The following DLGAP2 variants were observed in gnomAD, a reference collection of about 807,000 sequenced individuals.
DLGAP2 encodes the protein disks large-associated protein 2.
DLGAP2 carries 26 observed loss-of-function variants against 100.3 expected under a neutral mutation model. That is an observed-to-expected ratio of 0.26 (90% CI 0.19 to 0.36). The LOEUF (loss-of-function observed/expected upper bound fraction) is 0.36, where lower values mean the gene tolerates loss of function less well. Among genes scored for constraint, DLGAP2 ranks in the 10% least tolerant of loss-of-function variants. The pLI, the probability that DLGAP2 is intolerant of heterozygous loss-of-function variation, is 1.00. For missense variants in DLGAP2, 1,858 were observed against 1,453.2 expected, an observed-to-expected ratio of 1.28 and a Z score of -4.53; for synonymous variants, 886 against 630.1, an observed-to-expected ratio of 1.41 and a Z score of -6.08.
At chr8:1,451,181 G>C (rs1305621478) in intron 3 of DLGAP2, among the ~76,000 whole-genome samples, 2 of 152,146 alleles carry the variant, frequency 1.3e-5, no homozygotes, top group Admixed American at 6.5e-5. Flanking sequence ...GCTGCTGCAT[G>C]CAGGCCATAT....
chr8:1,528,356 G>T (rs1026682649), intron 4 of DLGAP2, among the ~76,000 whole-genome samples: 1 of 152,228 alleles, frequency 6.6e-6, no homozygotes, highest in Admixed American at 6.5e-5. Flanking sequence ...ACAGGGCATT[G>T]TTCCCACCCC....
chr8:1,543,182 A>G (rs2130496634), intron 4 of DLGAP2, among the ~76,000 whole-genome samples: 1 of 152,362 alleles, frequency 6.6e-6, no homozygotes, highest in South Asian at 2.1e-4. Flanking sequence ...GGCATCTTTT[A>G]AAGCATAAAA....
At chr8:1,178,588 T>C (rs1484849522) in intron 2 of DLGAP2, among the ~76,000 whole-genome samples, 1 of 152,230 alleles carries the variant, frequency 6.6e-6, no homozygotes, top group Non-Finnish European at 1.5e-5. Flanking sequence ...ATCTCTCTTT[T>C]TTTTAGGTAA....
intron 6 of DLGAP2, among the ~76,000 whole-genome samples, chr8:1,592,249 G>A (rs367840719): frequency 2.0e-5 from 3 of 152,146 alleles, no homozygotes; most frequent in African/African-American, 4.8e-5. Flanking sequence ...CACAAAATAC[G>A]CCCCCATCGG....
chr8:1,010,902 C>T (rs760233869), intron 2 of DLGAP2, among the ~76,000 whole-genome samples: 136 of 149,068 alleles, frequency 9.1e-4, no homozygotes, highest in South Asian at 3.2e-3. Context: ...AGGGGCCCCT[C>T]AGTCTACACA....
chr8:777,919 C>T (rs1472929297), intron 1 of DLGAP2, among the ~76,000 whole-genome samples: 1 of 152,192 alleles, frequency 6.6e-6, no homozygotes, highest in Non-Finnish European at 1.5e-5. Flanking sequence ...TGGGGAAGTT[C>T]TCCTGAGTAA....
intron 1 of DLGAP2, among the ~76,000 whole-genome samples, chr8:834,316 G>A (rs1585912889): frequency 6.6e-6 from 1 of 152,140 alleles, no homozygotes; most frequent in African/African-American, 2.4e-5. Context: ...TAATTTGTGG[G>A]CTTTAACATG....
chr8:1,043,180 G>A (rs1201222075), intron 2 of DLGAP2, among the ~76,000 whole-genome samples: 1 of 138,802 alleles, frequency 7.2e-6, no homozygotes, highest in Admixed American at 7.2e-5. Context: ...GGTGGGTGTG[G>A]GTGGTGGGTG....
At chr8:1,257,497 G>A (rs1399625519) in intron 2 of DLGAP2, among the ~76,000 whole-genome samples, 1 of 132,238 alleles carries the variant, frequency 7.6e-6, no homozygotes, top group Non-Finnish European at 1.7e-5. Context: ...CACCTTGTCC[G>A]TGCCTTTCCT....
chr8:1,575,915 C>T (rs1418290471), intron 6 of DLGAP2, among the ~76,000 whole-genome samples: 2 of 152,058 alleles, frequency 1.3e-5, no homozygotes, highest in Non-Finnish European at 2.9e-5. Flanking sequence ...GTGAATAGTG[C>T]TGTAATAAAC....
At chr8:869,996 G>T (rs1282979428) in intron 1 of DLGAP2, among the ~76,000 whole-genome samples, 6 of 150,426 alleles carry the variant, frequency 4.0e-5, no homozygotes, top group Admixed American at 3.3e-4. Context: ...GAAAGATACC[G>T]TGCCTAATTT....
intron 2 of DLGAP2, among the ~76,000 whole-genome samples, chr8:1,063,156 A>C (rs1221176532): frequency 1.3e-5 from 2 of 152,188 alleles, no homozygotes; most frequent in Admixed American, 6.5e-5. Context: ...GAAAAGAGGG[A>C]AGATGTTTGA....
chr8:1,101,020 T>A (rs1175946409), intron 2 of DLGAP2, among the ~76,000 whole-genome samples: 4 of 152,212 alleles, frequency 2.6e-5, no homozygotes, highest in Non-Finnish European at 4.4e-5. Context: ...CCTATGCTGG[T>A]CCCACGTGGG....
chr8:1,175,997 G>A (rs981005636), intron 2 of DLGAP2, among the ~76,000 whole-genome samples: 7 of 152,156 alleles, frequency 4.6e-5, no homozygotes, highest in South Asian at 4.1e-4. Flanking sequence ...CATACCATCC[G>A]CCCGATAAAT....
At chr8:1,160,737 C>G (rs922120770) in intron 2 of DLGAP2, among the ~76,000 whole-genome samples, 2 of 152,234 alleles carry the variant, frequency 1.3e-5, no homozygotes, top group African/African-American at 4.8e-5. Flanking sequence ...AGTGTAAAGC[C>G]ACCCCGAGCC....
In DLGAP2 at chr8:1,408,560, C is replaced by T. The variant is rs78403455; in HGVS notation, c.107-92806C>T. Among the ~76,000 whole-genome samples the T allele has an allele frequency of 2.9e-3, 448 of 152,346 alleles. 9 individuals are homozygous for T. In the East Asian group the frequency reaches 0.047, roughly 16 times the overall value. ...ACTGGGACTCCAGCATTGTCAGGCA[C>T]AGACACACACGGTGTTAACTGTTCG... On this transcript the variant is annotated intron_variant, in intron 3 of 14. Transcript: ENST00000637795.
chr8:1,323,292 A>C (rs541030457), intron 3 of DLGAP2, among the ~76,000 whole-genome samples: 67 of 152,124 alleles, frequency 4.4e-4, no homozygotes, highest in Non-Finnish European at 8.5e-4. Flanking sequence ...AGCCTCCCAA[A>C]GTGCTAGGAT....
intron 3 of DLGAP2, among the ~76,000 whole-genome samples, chr8:1,352,284 G>A (rs1163948830): frequency 1.7e-5 from 2 of 114,794 alleles, no homozygotes; most frequent in Non-Finnish European, 3.8e-5. Flanking sequence ...AGGACGTGCG[G>A]GTCCTGAGCG....
At chr8:855,289 G>A (rs1797256261) in intron 1 of DLGAP2, among the ~76,000 whole-genome samples, 1 of 152,070 alleles carries the variant, frequency 6.6e-6, no homozygotes. Context: ...CTTTCAGCAT[G>A]AATGCCTCTG....
Sources: allele counts gnomAD v4.1 joint callset (sites outside exome capture counted in the v4.1 genomes callset), GRCh38; gene constraint gnomAD v4.1.1; transcripts MANE v1.5; gene names NCBI Gene and HGNC (gene_info 2026-07-23, HGNC 2026-07-21).